MYO9B: variants seen among roughly 807,000 people sequenced by gnomAD.
MYO9B encodes the protein unconventional myosin-IXb.
Under a neutral mutation model 229.5 loss-of-function variants are expected in MYO9B, and 71 were observed. The observed-to-expected ratio is 0.31, with a 90% CI of 0.26 to 0.38. The LOEUF is 0.38. Among genes scored for constraint, MYO9B ranks in the 10% least tolerant of loss-of-function variants. MYO9B has a pLI of 1.00. For synonymous variants in MYO9B, 1,185 were observed against 1,235.8 expected (o/e 0.96, Z 0.86); for missense variants, 2,255 against 2,920.5 (o/e 0.77, Z 5.25).
At chr19:17,205,938 AC>A (rs1196890945) in intron 31 of MYO9B, 21 bp from the exon 32 acceptor site, 1 of 1,538,588 alleles carries the variant, frequency 6.5e-7, no homozygotes, top group Non-Finnish European at 8.8e-7. Context: ...CCCAGACCTG[AC>A]CCCCAACCCC....
Position 17,134,903 on chromosome 19 carries a change from A to G in MYO9B, c.841-10494A>G, listed in dbSNP as rs148327554. On this transcript the variant is annotated intron_variant, in intron 2 of 39. Coordinates refer to ENST00000682292, the MANE Select transcript of MYO9B (RefSeq NM_004145.4). ...CTCAGCCTCCCAGGTAGTTGGGATT[A>G]CAGGCATGCACCACCACACCCGGCT... is the stretch of plus-strand genomic sequence containing the variant. Among the ~76,000 whole-genome samples the G allele has an allele frequency of 2.8e-3, 422 of 152,144 alleles. 14 individuals are homozygous for G. In the East Asian group the frequency reaches 0.067, roughly 24 times the overall value.
chr19:17,163,372 C>CT (rs3031315), intron 10 of MYO9B, among the ~76,000 whole-genome samples: 37,673 of 92,236 alleles, frequency 0.41, 9,248 homozygotes, highest in Non-Finnish European at 0.43. Context: ...CCCCATTCCA[C>CT]TTTTTTTTTT....
intron 2 of MYO9B, among the ~76,000 whole-genome samples, chr19:17,119,060 CAA>C (rs2057935849): frequency 1.3e-5 from 2 of 152,174 alleles, no homozygotes; most frequent in Non-Finnish European, 2.9e-5. Flanking sequence ...GGCCAGGAAG[CAA>C]GATGTGGGGG....
chr19:17,209,109 T>C (rs928464153), intron 35 of MYO9B, among the ~76,000 whole-genome samples: 20 of 150,818 alleles, frequency 1.3e-4, no homozygotes, highest in African/African-American at 4.2e-4. Flanking sequence ...CCAGGCTGAG[T>C]TCCTCCCAAT....
At chr19:17,110,181 C>G (rs922027666) in intron 2 of MYO9B, among the ~76,000 whole-genome samples, 1 of 152,204 alleles carries the variant, frequency 6.6e-6, no homozygotes, top group Non-Finnish European at 1.5e-5. Flanking sequence ...CCCCCTGACC[C>G]CCGCCCCCCG....
At chr19:17,164,509 T>C (rs2072638439) in intron 10 of MYO9B, among the ~76,000 whole-genome samples, 1 of 151,884 alleles carries the variant, frequency 6.6e-6, no homozygotes, top group African/African-American at 2.4e-5. Context: ...GCCTCCCGAG[T>C]AGCTGGGACT....
chr19:17,112,996 C>T (rs1162951981), intron 2 of MYO9B, among the ~76,000 whole-genome samples: 1 of 152,188 alleles, frequency 6.6e-6, no homozygotes, highest in Non-Finnish European at 1.5e-5. Context: ...CAGGACGGGG[C>T]CAAGGCCTCA....
intron 34 of MYO9B, 89 bp downstream of exon 34, chr19:17,206,873 T>G: frequency 7.6e-7 from 1 of 1,322,840 alleles, no homozygotes; most frequent in Non-Finnish European, 1.1e-6. Context: ...CGAGCTGGCG[T>G]TCTGTGGTGG....
At chr19:17,175,279 TAA>T (rs568328254) in intron 13 of MYO9B, among the ~76,000 whole-genome samples, 6 of 129,128 alleles carry the variant, frequency 4.6e-5, no homozygotes, top group Admixed American at 7.9e-5. Context: ...GGTAAAAAAT[TAA>T]AAAAAAAAAA....
intron 6 of MYO9B, among the ~76,000 whole-genome samples, chr19:17,155,088 G>A (rs1444053146): frequency 6.6e-6 from 1 of 152,144 alleles, no homozygotes; most frequent in Non-Finnish European, 1.5e-5. Flanking sequence ...AGCTAGGATT[G>A]TACCGCTTCA....
intron 35 of MYO9B, among the ~76,000 whole-genome samples, chr19:17,208,353 A>AAAAAAAAGCAACT (rs74332276): frequency 3.2e-5 from 4 of 124,616 alleles, no homozygotes; most frequent in South Asian, 2.5e-4. Flanking sequence ...AAAAAAAAAA[A>AAAAAAAAGCAACT]ATCCAGATGG....
chr19:17,122,900 A>G (rs989254941), intron 2 of MYO9B, among the ~76,000 whole-genome samples: 18 of 152,342 alleles, frequency 1.2e-4, no homozygotes, highest in African/African-American at 3.8e-4. Context: ...GTTCAAGACC[A>G]GCCTATACAA....
chr19:17,211,405 G>A (rs543032805), intron 38 of MYO9B, among the ~76,000 whole-genome samples: 3 of 152,206 alleles, frequency 2.0e-5, no homozygotes, highest in East Asian at 1.9e-4. Context: ...CCCAGTAGCC[G>A]GAACCACAGG....
rs1209468831 is a variant in MYO9B at position 17,137,120 on chromosome 19, C to T, written c.841-8277C>T. Among the ~76,000 whole-genome samples, 3 of 150,602 alleles carry T rather than the reference C, an allele frequency of 2.0e-5. No individual in the cohort carries two copies. The Admixed American group carries it at 2.0e-4, about 10-fold the overall frequency. ...GCGCGTGCCTATAATCCCAGCTACTCGGGAGGCTGAGGCAGGAGAATTGCT... is the reference window on the plus strand; with the variant it reads ...GCGCGTGCCTATAATCCCAGCTACTTGGGAGGCTGAGGCAGGAGAATTGCT... On this transcript the variant is annotated intron_variant, in intron 2 of 39. Transcript: ENST00000682292.
intron 2 of MYO9B, among the ~76,000 whole-genome samples, chr19:17,136,200 C>T (rs564345314): frequency 4.3e-4 from 65 of 152,236 alleles, no homozygotes; most frequent in South Asian, 1.0e-3. Context: ...GGGCTTCGTG[C>T]TGTCAGGCAG....
rs751563896 is a variant in MYO9B at position 17,101,855 on chromosome 19, C to T, written c.138C>T (p.Asp46=). ...VTATKDSTTS[D]VIKDAIASLR... is the part of the protein sequence containing the mutation. ...CCACCAAGGACAGCACCACCTCGGA[C>T]GTCATCAAGGACGCCATTGCCAGCC... The change falls in exon 2 of 40, where the codon GAC becomes GAT. Residue 46 remains aspartate, a synonymous_variant. Transcript: ENST00000682292. The surrounding 1 kb of genome is among the most constrained non-coding windows in gnomAD (Gnocchi z 4.7). 2.4e-5 allele frequency: 39 copies of T among 1,612,360 alleles called. No homozygotes were observed. Among genetic ancestry groups the T allele is most frequent in the African/African-American group, 4.0e-5 (3 of 74,866 alleles).
chr19:17,156,890 A>G lies in MYO9B; in HGVS notation c.1200-19A>G, dbSNP rs915978561. ...GGAACGTAGAAACTACCCAAATATG[A>G]GTGCCTTTTCTTTCCCAGGATTTTT... On this transcript the variant is annotated intron_variant, in intron 6 of 39. Transcript: ENST00000682292. 17 of 1,608,410 alleles carry G rather than the reference A, an allele frequency of 1.1e-5. No individual in the cohort carries two copies. Among genetic ancestry groups the G allele is most frequent in the Non-Finnish European group, 1.4e-5 (17 of 1,177,722 alleles).
chr19:17,132,267 C>G (rs1280036685), intron 2 of MYO9B, among the ~76,000 whole-genome samples: 2 of 134,422 alleles, frequency 1.5e-5, no homozygotes, highest in Admixed American at 1.6e-4. Context: ...CTCACTGCAA[C>G]CTCCACCTCC....
chr19:17,190,401 T>A (rs1318850489), intron 19 of MYO9B, among the ~76,000 whole-genome samples: 1 of 142,684 alleles, frequency 7.0e-6, no homozygotes, highest in African/African-American at 2.5e-5. Flanking sequence ...GCCAGGCTGG[T>A]CTCATTGGTT....
Sources: gnomAD v4.1 joint callset for allele counts (sites outside exome capture counted in the v4.1 genomes callset) on GRCh38, gnomAD v4.1.1 for gene constraint, Gnocchi (gnomAD v3.1) non-coding constraint, MANE v1.5 for transcripts, NCBI Gene and HGNC (gene_info 2026-07-23, HGNC 2026-07-21) for gene names.